Variants in GAS2 observed in about 807,000 individuals in gnomAD.
GAS2 encodes the protein growth arrest specific 2, also known as growth arrest-specific protein 2.
GAS2 carries 20 observed loss-of-function variants against 37.5 expected under a neutral mutation model. The ratio of observed to expected loss-of-function variants is 0.53; its 90% CI spans 0.37 to 0.77. The LOEUF (loss-of-function observed/expected upper bound fraction) is 0.77. Ranked by LOEUF, GAS2 falls within the 30% of genes least tolerant of loss-of-function variation. GAS2 has a pLI of 0.00. For synonymous variants in GAS2, 144 were observed against 132.2 expected (o/e 1.09, Z -0.61); for missense variants, 336 against 373.4 (o/e 0.90, Z 0.82).
intron 3 of GAS2, among the ~76,000 whole-genome samples, chr11:22,699,373 A>G (rs1223489723): frequency 6.6e-6 from 1 of 152,126 alleles, no homozygotes; most frequent in Non-Finnish European, 1.5e-5. Flanking sequence ...ATCAGGTGAC[A>G]GGTAGATTTT....
intron 1 of GAS2, among the ~76,000 whole-genome samples, chr11:22,659,296 T>A (rs1340892905): frequency 1.3e-5 from 2 of 152,196 alleles, no homozygotes; most frequent in Non-Finnish European, 2.9e-5. Flanking sequence ...AAGTCAAATT[T>A]GTTTGACTCA....
chr11:22,743,464 A>G (rs1853206905), intron 5 of GAS2, among the ~76,000 whole-genome samples: 1 of 152,126 alleles, frequency 6.6e-6, no homozygotes, highest in African/African-American at 2.4e-5. Context: ...AATTCCTTCT[A>G]ATAATACTAA....
chr11:22,794,273 T>C (rs867210472), intron 7 of GAS2, among the ~76,000 whole-genome samples: 5 of 152,100 alleles, frequency 3.3e-5, no homozygotes, highest in Admixed American at 6.6e-5. Flanking sequence ...CTGTAAGACT[T>C]ATGCCCTCAA....
rs576718774 is a variant in GAS2 at position 22,686,553 on chromosome 11, TAAAAAAAAAAAAAAAAAAAA to T, written c.267+793_267+812del. On this transcript the variant is annotated intron_variant, in intron 3 of 7. Transcript: ENST00000454584. ...CAACATGGCCAAAACCCGTCTCTAC[TAAAAAAAAAAAAAAAAAAAA>T]AAAAAAAAAAAAAAAAAAAAAAAAA... Among the ~76,000 whole-genome samples, 58 of 47,238 alleles carry T rather than the reference TAAAAAAAAAAAAAAAAAAAA, an allele frequency of 1.2e-3. 1 individual carries two copies. The highest frequency in any genetic ancestry group is 1.6e-3 in the Non-Finnish European group (43 of 26,066). 31.0% of individuals were successfully genotyped at this position (47,238 alleles called of 152,430 possible).
chr11:22,769,620 G>A (rs1854873623), intron 7 of GAS2, among the ~76,000 whole-genome samples: 1 of 152,124 alleles, frequency 6.6e-6, no homozygotes, highest in African/African-American at 2.4e-5. Context: ...ATCATGGGAG[G>A]GGAAACAGTT....
chr11:22,683,130 G>C (rs915440387), intron 2 of GAS2, among the ~76,000 whole-genome samples: 4 of 150,782 alleles, frequency 2.7e-5, no homozygotes, highest in Non-Finnish European at 5.9e-5. Context: ...TACTTAAAAA[G>C]TAATTTGTTT....
chr11:22,686,706 C>T lies in GAS2; in HGVS notation c.267+917C>T, dbSNP rs188398129. ...TAAAGGTTGCGGTGAGCAGAGATCA[C>T]GCCATTGCACTCCAGCCTGGGTGAC... On this transcript the variant is annotated intron_variant, in intron 3 of 7. Coordinates refer to ENST00000454584, the MANE Select transcript of GAS2 (RefSeq NM_001143830.3). Among the ~76,000 whole-genome samples, 14 of 151,682 alleles carry T rather than the reference C, an allele frequency of 9.2e-5. No homozygotes were observed. In the East Asian group the frequency reaches 9.7e-4, roughly 11 times the overall value.
intron 7 of GAS2, among the ~76,000 whole-genome samples, chr11:22,801,436 G>A (rs1370782355): frequency 7.0e-6 from 1 of 142,552 alleles, no homozygotes; most frequent in East Asian, 2.3e-4. Context: ...TGATTGGGGT[G>A]GGGGCATGGG....
intron 5 of GAS2, 114 bp from the exon 6 acceptor site, chr11:22,749,006 T>C (rs1853571211): frequency 9.5e-7 from 1 of 1,055,420 alleles, no homozygotes; most frequent in South Asian, 1.8e-5. Context: ...AAAAAGTGAA[T>C]GTTATTTTTA....
chr11:22,767,204 T>C (rs978120684), intron 7 of GAS2, among the ~76,000 whole-genome samples: 3 of 152,146 alleles, frequency 2.0e-5, no homozygotes, highest in African/African-American at 7.2e-5. Context: ...ATAAAACTTA[T>C]CGATGAAGAA....
chr11:22,665,019 C>T (rs1331311963), upstream of GAS2, among the ~76,000 whole-genome samples: 1 of 150,764 alleles, frequency 6.6e-6, no homozygotes, highest in Non-Finnish European at 1.5e-5. Context: ...AAAAAAATAC[C>T]TGGAAGAAAT....
chr11:22,672,957 ACAAT>A (rs199647298), intron 1 of GAS2, among the ~76,000 whole-genome samples: 1,896 of 152,268 alleles, frequency 0.012, 34 homozygotes, highest in African/African-American at 0.042. Context: ...TCCCATAATG[ACAAT>A]CTAATAATGT....
intron 7 of GAS2, among the ~76,000 whole-genome samples, chr11:22,773,718 C>A (rs1049965486): frequency 1.3e-5 from 2 of 152,136 alleles, no homozygotes; most frequent in African/African-American, 4.8e-5. Flanking sequence ...CTCTCTGAAG[C>A]AAGATGGCCC....
intron 4 of GAS2, among the ~76,000 whole-genome samples, chr11:22,727,318 G>C (rs1368797801): frequency 6.6e-6 from 1 of 151,956 alleles, no homozygotes; most frequent in Non-Finnish European, 1.5e-5. Context: ...CAATTTAATA[G>C]GTCATATAAT....
chr11:22,720,761 G>A (rs1262408899), intron 3 of GAS2, among the ~76,000 whole-genome samples: 1 of 151,982 alleles, frequency 6.6e-6, no homozygotes, highest in African/African-American at 2.4e-5. Flanking sequence ...TAATCAAGGG[G>A]AGTAGTATGA....
At chr11:22,707,836 C>A (rs1206663183) in intron 3 of GAS2, among the ~76,000 whole-genome samples, 1 of 152,094 alleles carries the variant, frequency 6.6e-6, no homozygotes, top group Non-Finnish European at 1.5e-5. Context: ...AGTATTTGAA[C>A]TTTGTTTTGT....
upstream of GAS2, among the ~76,000 whole-genome samples, chr11:22,664,237 G>T (rs1338847751): frequency 6.6e-6 from 1 of 152,060 alleles, no homozygotes; most frequent in Non-Finnish European, 1.5e-5. Context: ...TTTATTGAAG[G>T]TTTGCTTCAC....
chr11:22,652,451 A>T (rs1446982724), intron 1 of GAS2, among the ~76,000 whole-genome samples: 2 of 152,170 alleles, frequency 1.3e-5, no homozygotes, highest in African/African-American at 4.8e-5. Flanking sequence ...GGCTCCATCC[A>T]GTTAGAGCTT....
chr11:22,717,775 G>GAA (rs61595575), intron 3 of GAS2, among the ~76,000 whole-genome samples: 14 of 150,426 alleles, frequency 9.3e-5, no homozygotes, highest in Admixed American at 2.0e-4. Flanking sequence ...AAATCAGCAA[G>GAA]AAAAAAAAAG....
Sources: gnomAD v4.1 joint callset for allele counts (sites outside exome capture counted in the v4.1 genomes callset) on GRCh38, gnomAD v4.1.1 for gene constraint, MANE v1.5 for transcripts, NCBI Gene and HGNC (gene_info 2026-07-23, HGNC 2026-07-21) for gene names.